RBM20: variants seen among roughly 807,000 people sequenced by gnomAD.
The protein encoded by RBM20 is RNA binding motif protein 20.
In RBM20, 51 loss-of-function variants were observed where a neutral mutation model predicts 110.1. The observed-to-expected ratio is 0.46, with a 90% CI of 0.37 to 0.59. The LOEUF is 0.59. Among genes scored for constraint, RBM20 ranks in the 20% least tolerant of loss-of-function variants. RBM20 has a pLI of 0.00. For synonymous variants in RBM20, 589 were observed against 618.2 expected, an observed-to-expected ratio of 0.95 and a Z score of 0.70; for missense variants, 1,512 against 1,574.9, an observed-to-expected ratio of 0.96 and a Z score of 0.68.
intron 9 of RBM20, among the ~76,000 whole-genome samples, chr10:110,814,470 TA>T (rs57440474): frequency 0.026 from 3,954 of 151,664 alleles, 79 homozygotes; most frequent in South Asian, 0.099. Context: ...GTATTAAAAG[TA>T]GAAAAAAGCA....
chr10:110,757,678 G>A (rs1164232006), intron 1 of RBM20, among the ~76,000 whole-genome samples: 2 of 152,204 alleles, frequency 1.3e-5, no homozygotes, highest in Admixed American at 1.3e-4. Flanking sequence ...AGTGCAAAGT[G>A]CTAGGCACAG....
intron 1 of RBM20, among the ~76,000 whole-genome samples, chr10:110,740,653 T>G (rs1843715680): frequency 6.6e-6 from 1 of 152,188 alleles, no homozygotes; most frequent in Non-Finnish European, 1.5e-5. Context: ...CACCTTGATG[T>G]TCACTGGAGT....
intron 7 of RBM20, among the ~76,000 whole-genome samples, chr10:110,807,017 T>G (rs1474243295): frequency 6.6e-6 from 1 of 152,182 alleles, no homozygotes; most frequent in African/African-American, 2.4e-5. Context: ...CAATTTGCAA[T>G]TACCACCTAA....
chr10:110,766,837 TG>T (rs1844093470), intron 1 of RBM20, among the ~76,000 whole-genome samples: 1 of 150,948 alleles, frequency 6.6e-6, no homozygotes, highest in South Asian at 2.1e-4. Flanking sequence ...AATGAGCTGT[TG>T]GGTACACCTC....
At chr10:110,803,321 A>G (rs1156951847) in intron 7 of RBM20, among the ~76,000 whole-genome samples, 1 of 152,218 alleles carries the variant, frequency 6.6e-6, no homozygotes, top group Non-Finnish European at 1.5e-5. Context: ...ATAGTGTGTT[A>G]TCATGATCTC....
chr10:110,756,521 T>A (rs17762750), intron 1 of RBM20: 58,115 of 152,080 alleles, frequency 0.38, 11,783 homozygotes, highest in Middle Eastern at 0.43. Context: ...ATGTGGCTGA[T>A]CCGCCTAGCT....
At chr10:110,759,156 C>T (rs1183015958) in intron 1 of RBM20, among the ~76,000 whole-genome samples, 5 of 152,190 alleles carry the variant, frequency 3.3e-5, no homozygotes, top group African/African-American at 7.2e-5. Context: ...GCCTTTTCGG[C>T]GCTGAGCTTG....
chr10:110,735,791 C>G (rs779023509), intron 1 of RBM20, among the ~76,000 whole-genome samples: 13 of 152,132 alleles, frequency 8.5e-5, no homozygotes, highest in Non-Finnish European at 1.8e-4. Flanking sequence ...GGACACTGAC[C>G]CATGCACGAA....
intron 1 of RBM20, among the ~76,000 whole-genome samples, chr10:110,682,791 GCA>G (rs1484836743): frequency 1.3e-5 from 2 of 152,222 alleles, no homozygotes; most frequent in African/African-American, 4.8e-5. Context: ...GTAGGATTAT[GCA>G]AATATCCTGT....
At chr10:110,829,345 T>C (rs1845020034) in intron 12 of RBM20, among the ~76,000 whole-genome samples, 1 of 152,178 alleles carries the variant, frequency 6.6e-6, no homozygotes, top group Non-Finnish European at 1.5e-5. Context: ...GGGCCACTTT[T>C]CCATCCTTTG....
At chr10:110,737,179 A>AAAAAAAAAAAAAAAAAAAAAC (rs1393000517) in intron 1 of RBM20, among the ~76,000 whole-genome samples, 20 of 132,182 alleles carry the variant, frequency 1.5e-4, no homozygotes, top group African/African-American at 5.7e-4. Flanking sequence ...CTCTGCCTCA[A>AAAAAAAAAAAAAAAAAAAAAC]AAAAAAAAAA....
rs397516597 is a variant in RBM20, at chr10:110,810,464, T to TGAG, written c.1880+4_1880+6dup. ...GGACATGTTCCGGGAAGCAGACAGGTGAGGCCCCAAGCCCCAAGTCTCCAG... is the reference window on the plus strand; with the variant it reads ...GGACATGTTCCGGGAAGCAGACAGGTGAGGAGGCCCCAAGCCCCAAGTCTCCAG... On this transcript the variant is annotated splice_region_variant and intron_variant, in intron 8 of 13. Coordinates refer to ENST00000369519, the MANE Select transcript of RBM20 (RefSeq NM_001134363.3). 4,188 of 1,550,344 alleles carry TGAG rather than the reference T, an allele frequency of 2.7e-3. 8 individuals are homozygous for TGAG. Among genetic ancestry groups the TGAG allele is most frequent in the Non-Finnish European group, 3.4e-3 (3,922 of 1,146,002 alleles).
intron 1 of RBM20, among the ~76,000 whole-genome samples, chr10:110,748,496 G>T (rs913702778): frequency 6.6e-6 from 1 of 152,130 alleles, no homozygotes; most frequent in Non-Finnish European, 1.5e-5. Context: ...GGAAACAAGG[G>T]CTACCGAGGC....
In RBM20 at chr10:110,729,451, A is replaced by G. The variant is rs146909740; in HGVS notation, c.192-51350A>G. Reference sequence around the variant, plus strand: ...AGGTGAGGTTCACACCCTCTTATTTACCCTTTCCTTTGATGCATTGATCAA... The same window carrying G: ...AGGTGAGGTTCACACCCTCTTATTTGCCCTTTCCTTTGATGCATTGATCAA... On this transcript the variant is annotated intron_variant, in intron 1 of 13. Transcript: ENST00000369519. Among the ~76,000 whole-genome samples the G allele has an allele frequency of 3.6e-4, 54 of 151,948 alleles. 1 individual carries two copies. In the East Asian group the frequency reaches 0.01, roughly 29 times the overall value.
intron 1 of RBM20, among the ~76,000 whole-genome samples, chr10:110,667,712 A>G (rs1862198902): frequency 6.6e-6 from 1 of 152,154 alleles, no homozygotes; most frequent in Admixed American, 6.5e-5. Flanking sequence ...TTAGCCCTTT[A>G]AGAATGACTG....
At chr10:110,740,799 T>A (rs1843717375) in intron 1 of RBM20, among the ~76,000 whole-genome samples, 1 of 151,890 alleles carries the variant, frequency 6.6e-6, no homozygotes, top group African/African-American at 2.4e-5. Flanking sequence ...TTCTAGGGGG[T>A]GTTGTCCAGC....
intron 1 of RBM20, among the ~76,000 whole-genome samples, chr10:110,718,536 T>C (rs961144135): frequency 8.7e-5 from 13 of 148,912 alleles, no homozygotes; most frequent in Non-Finnish European, 1.5e-4. Flanking sequence ...TTATTACATG[T>C]ATTCTTCTAT....
intron 1 of RBM20, among the ~76,000 whole-genome samples, chr10:110,658,279 G>A (rs893085180): frequency 4.6e-5 from 7 of 152,212 alleles, no homozygotes; most frequent in African/African-American, 1.7e-4. Context: ...TTACACACCT[G>A]TGAGGGTAAT....
chr10:110,662,674 T>C (rs1862121911), intron 1 of RBM20, among the ~76,000 whole-genome samples: 1 of 152,200 alleles, frequency 6.6e-6, no homozygotes, highest in South Asian at 2.1e-4. Flanking sequence ...TATCCCAAGA[T>C]ACACACACAA....
Sources: allele counts gnomAD v4.1 joint callset (sites outside exome capture counted in the v4.1 genomes callset), GRCh38; gene constraint gnomAD v4.1.1; transcripts MANE v1.5; gene names NCBI Gene and HGNC (gene_info 2026-07-23, HGNC 2026-07-21).